The following PPFIA4 variants were observed in gnomAD, a reference collection of about 807,000 sequenced individuals.
PPFIA4 encodes liprin-alpha-4.
A neutral mutation model predicts 145.7 loss-of-function variants in PPFIA4; 98 were observed. The ratio of observed to expected loss-of-function variants is 0.67; its 90% CI spans 0.57 to 0.80. The LOEUF is 0.80. Ranked by LOEUF, PPFIA4 falls within the 30% of genes least tolerant of loss-of-function variation. The probability of loss-of-function intolerance (pLI) is 0.00; values close to 1 mark genes in which losing one functional copy is unlikely to be tolerated. For synonymous variants in PPFIA4, 628 were observed against 649.6 expected (o/e 0.97, Z 0.51); for missense variants, 1,457 against 1,632.7 (o/e 0.89, Z 1.85).
At chr1:203,064,452 C>T (rs1302212116) in intron 25 of PPFIA4, among the ~76,000 whole-genome samples, 4 of 152,188 alleles carry the variant, frequency 2.6e-5, no homozygotes, top group Admixed American at 6.5e-5. Context: ...CATCCCAGAT[C>T]GGAACCTCTC....
In PPFIA4 at chr1:203,034,651, G is replaced by A. The variant is rs546536687; in HGVS notation, c.-399-3959G>A. ...GGTGCGTGGAGGATGGGGCCTTCCA[G>A]TGGGGCCTTTCAGTCACCCATGGCC... On this transcript the variant is annotated intron_variant, in intron 1 of 29. Transcript: ENST00000295706. 2.9e-4 allele frequency: 132 copies of A among 456,714 alleles called. 1 individual carries two copies. The highest frequency in any genetic ancestry group is 7.5e-5 in the Non-Finnish European group (17 of 226,962). The allele number at this position is 456,714 out of a possible 1,614,324, so 28.3% of individuals were successfully genotyped here.
intron 19 of PPFIA4, 71 bp downstream of exon 19, chr1:203,057,021 C>T: frequency 1.3e-6 from 2 of 1,584,736 alleles, no homozygotes; most frequent in Admixed American, 1.7e-5. Context: ...TGTACTTGGA[C>T]TGGCCTTCTC....
At position 203,043,070 on chromosome 1, in the gene PPFIA4, G is replaced by A. The variant is rs1455779986; in HGVS notation, c.235-327G>A. ...CCTGGAGAAATGGAAATGCCAGGTG[G>A]GAGGGAGGATGTAATCTGGTCATAT... On this transcript the variant is annotated intron_variant, in intron 2 of 29. Coordinates refer to ENST00000295706, the MANE Select transcript of PPFIA4 (RefSeq NM_001304331.2). This position sits in a 1 kb window ranked among gnomAD's most constrained non-coding sequence, Gnocchi z 4.4. 2.0e-5 allele frequency among the ~76,000 whole-genome samples: 3 copies of A among 152,212 alleles called. No individual in the cohort carries two copies. Among genetic ancestry groups the A allele is most frequent in the Non-Finnish European group, 4.4e-5 (3 of 68,024 alleles).
In PPFIA4 at chr1:203,053,377, C is replaced by A. The variant is rs371792402; in HGVS notation, c.1621-376C>A. ...GTGAAACCCCGTCTCTACTAAAATA[C>A]AAAAAATCAGCCGGGCGTGGTGGCG... On this transcript the variant is annotated intron_variant, in intron 14 of 29. Coordinates refer to ENST00000295706, the MANE Select transcript of PPFIA4 (RefSeq NM_001304331.2). Among the ~76,000 whole-genome samples the A allele has an allele frequency of 3.3e-5, 5 of 152,170 alleles. No individual in the cohort carries two copies. The East Asian group carries it at 5.8e-4, about 18-fold the overall frequency.
At chr1:203,035,933 T>C (rs1044027526) in intron 1 of PPFIA4, among the ~76,000 whole-genome samples, 3 of 152,198 alleles carry the variant, frequency 2.0e-5, no homozygotes, top group African/African-American at 7.2e-5. Flanking sequence ...AGTTGCTCGC[T>C]GGCACCTGGT....
intron 28 of PPFIA4, among the ~76,000 whole-genome samples, chr1:203,073,357 C>T (rs1306066857): frequency 6.6e-6 from 1 of 152,180 alleles, no homozygotes; most frequent in Non-Finnish European, 1.5e-5. Context: ...AGCCTCCAGA[C>T]ATTGGGGTGG....
rs1418760301 is a variant in PPFIA4 at position 203,056,669 on chromosome 1, C to T, written c.2241-115C>T. On this transcript the variant is annotated intron_variant, in intron 18 of 29. Transcript: ENST00000295706. ...AGGGAGTTCATGTGTCTCCTTTTCC[C>T]CCATCCCAGTTCTGACTTAATAGAA... 7.7e-6 allele frequency: 10 copies of T among 1,293,430 alleles called. No individual in the cohort carries two copies. The East Asian group carries it at 2.3e-4, about 30-fold the overall frequency. The allele number at this position is 1,293,430 out of a possible 1,614,324, so 80.1% of individuals were successfully genotyped here.
chr1:203,051,737 C>A, intron 13 of PPFIA4, 32 bp from the exon 14 acceptor site: 1 of 1,585,560 alleles, frequency 6.3e-7, no homozygotes. Flanking sequence ...GTCCTCAGGG[C>A]CTGTCTTTTC....
In PPFIA4 at chr1:203,061,690, T is replaced by C. The variant is rs1320990521; in HGVS notation, c.2874+12T>C. 4 of 1,563,232 alleles carry C rather than the reference T, an allele frequency of 2.6e-6. No homozygotes were observed. The highest frequency in any genetic ancestry group is 3.5e-6 in the Non-Finnish European group (4 of 1,153,524). ...GCAGCTGGGCTCAGGTAAGACTCCC[T>C]ACCCTGTCTAGAACCAGCTCCCAAA... On this transcript the variant is annotated intron_variant, in intron 24 of 29. Transcript: ENST00000295706.
Position 203,055,367 on chromosome 1 carries a change from C to T in PPFIA4, c.1830-65C>T. The T allele has an allele frequency of 6.2e-7, 1 of 1,602,238 alleles. No individual in the cohort carries two copies. Among genetic ancestry groups the T allele is most frequent in the Non-Finnish European group, 8.5e-7 (1 of 1,170,938 alleles). On this transcript the variant is annotated intron_variant, in intron 15 of 29. Coordinates refer to ENST00000295706, the MANE Select transcript of PPFIA4 (RefSeq NM_001304331.2). The surrounding 1 kb of genome is among the most constrained non-coding windows in gnomAD (Gnocchi z 4.8). The stretch of plus-strand genomic sequence containing the variant: ...CTTGGTGGCGAGTGCAGGCATCGAC[C>T]CGCACTGCCTCCTGCTGGTCCTGGC...
rs1381224520 is a variant in PPFIA4, at chr1:203,051,794, G to A, written c.1537G>A (p.Val513Met). ...GTCGCACATGGGCAGTGCAGCAGAC[G>A]TGCGGTTCTCCCTGGGCACAACCAC... ...SRSHMGSAAD[V>M]RFSLGTTTHA... The change falls in exon 14 of 30, where the codon GTG becomes ATG. Residue 513 changes from valine to methionine, a missense_variant. Coordinates refer to ENST00000295706, the MANE Select transcript of PPFIA4 (RefSeq NM_001304331.2). 10 of 1,613,516 alleles carry A rather than the reference G, an allele frequency of 6.2e-6. No individual in the cohort carries two copies. Among genetic ancestry groups the A allele is most frequent in the South Asian group, 4.4e-5 (4 of 90,892 alleles).
rs1662558601 is a variant in PPFIA4 at position 203,076,470 on chromosome 1, C to T, written c.*80C>T. The T allele has an allele frequency of 7.4e-7, 1 of 1,348,820 alleles. No individual in the cohort carries two copies. Among genetic ancestry groups the T allele is most frequent in the African/African-American group, 1.4e-5 (1 of 69,646 alleles). The allele number at this position is 1,348,820 out of a possible 1,614,324, so 83.6% of individuals were successfully genotyped here. On this transcript the variant is annotated 3_prime_UTR_variant, in exon 30 of 30. Transcript: ENST00000295706. ...CTGACCCCTCTTGCTCGTTCCCCTT[C>T]CTTCCGCAGCTCCTAGTCTCGTCCG...
intron 28 of PPFIA4, among the ~76,000 whole-genome samples, chr1:203,073,069 A>G (rs1424209131): frequency 6.6e-6 from 1 of 152,172 alleles, no homozygotes; most frequent in Non-Finnish European, 1.5e-5. Flanking sequence ...GAAGCTATGT[A>G]GTCCTTCAAT....
At chr1:203,034,385 G>T in intron 1 of PPFIA4, 1 of 450,764 alleles carries the variant, frequency 2.2e-6, no homozygotes, top group Non-Finnish European at 4.4e-6. Flanking sequence ...ATGGGTGAGG[G>T]CCAGGCTTCT....
rs1338043749 is a variant in PPFIA4, at chr1:203,076,701, C to G, written c.*311C>G. 1 of 445,254 alleles carries G rather than the reference C, an allele frequency of 2.2e-6. No homozygotes were observed. The highest frequency in any genetic ancestry group is 4.1e-6 in the Non-Finnish European group (1 of 243,040). The allele number at this position is 445,254 out of a possible 1,614,324, so 27.6% of individuals were successfully genotyped here. A position where few individuals can be genotyped will look rare whatever the true frequency, so the allele number is the denominator to read the frequency against. ...CAGGGTGGATGTGAAGCCACCCTTC[C>G]TCTTCTGGACCCAGCCTGGTCTGCA... On this transcript the variant is annotated 3_prime_UTR_variant, in exon 30 of 30. Coordinates refer to ENST00000295706, the MANE Select transcript of PPFIA4 (RefSeq NM_001304331.2).
chr1:203,044,412 G>C lies in PPFIA4; in HGVS notation c.535G>C (p.Val179Leu), dbSNP rs1659919650. Residue 179 changes from valine (V) to leucine (L), a missense_variant, in exon 5 of 30, where the codon GTC (valine) becomes CTC (leucine). By Grantham distance (32) the Val-to-Leu change is conservative (BLOSUM62 1). Coordinates refer to ENST00000295706, the MANE Select transcript of PPFIA4 (RefSeq NM_001304331.2). Reference sequence around the variant, plus strand: ...GCGGCTCCGGGCAGCGCTGGAGCGAGTCACCACCTTGGAGGAGCAGCTGGC... The same window carrying C: ...GCGGCTCCGGGCAGCGCTGGAGCGACTCACCACCTTGGAGGAGCAGCTGGC... The part of the protein sequence containing the change: ...RERLRAALER[V>L]TTLEEQLAGA... The C allele has an allele frequency of 6.4e-7, 1 of 1,552,290 alleles. No homozygotes were observed. Among genetic ancestry groups the C allele is most frequent in the African/African-American group, 1.4e-5 (1 of 73,204 alleles).
intron 4 of PPFIA4, 45 bp from the exon 5 acceptor site, chr1:203,044,334 A>G (rs2102632185): frequency 6.5e-7 from 1 of 1,529,812 alleles, no homozygotes; most frequent in South Asian, 1.2e-5. Flanking sequence ...GCCTGACTCA[A>G]GTGGGGTCCC....
chr1:203,056,338 C>A, intron 17 of PPFIA4, 37 bp from the exon 18 acceptor site: 1 of 1,609,486 alleles, frequency 6.2e-7, no homozygotes, highest in South Asian at 1.1e-5. Flanking sequence ...CCCGAGATCT[C>A]TCCCTCTATC....
chr1:203,039,636 G>A (rs1370387254), intron 2 of PPFIA4, among the ~76,000 whole-genome samples: 3 of 152,204 alleles, frequency 2.0e-5, no homozygotes, highest in East Asian at 1.9e-4. Context: ...GTCCAGCTCC[G>A]TTATTGCATA....
Sources: gnomAD v4.1 joint callset for allele counts (sites outside exome capture counted in the v4.1 genomes callset) on GRCh38, gnomAD v4.1.1 for gene constraint, Gnocchi (gnomAD v3.1) non-coding constraint, MANE v1.5 for transcripts, NCBI Gene and HGNC (gene_info 2026-07-23, HGNC 2026-07-21) for gene names.